The following ZNF341 variants were observed in gnomAD, a reference collection of about 807,000 sequenced individuals.
The protein encoded by ZNF341 is zinc finger protein 341.
Under a neutral mutation model 87.7 loss-of-function variants are expected in ZNF341, and 52 were observed. The ratio of observed to expected loss-of-function variants is 0.59; its 90% CI spans 0.47 to 0.75. The LOEUF is 0.75. Ranked by LOEUF, ZNF341 falls within the 30% of genes least tolerant of loss-of-function variation. The probability of loss-of-function intolerance (pLI) is 0.00; values close to 1 mark genes in which losing one functional copy is unlikely to be tolerated. For missense variants in ZNF341, 977 were observed against 1,145.9 expected (o/e 0.85, Z 2.13); for synonymous variants, 459 against 472.7 (o/e 0.97, Z 0.38).
At chr20:33,768,586 C>A (rs568344562) in intron 9 of ZNF341, among the ~76,000 whole-genome samples, 10 of 151,884 alleles carry the variant, frequency 6.6e-5, no homozygotes, top group African/African-American at 2.2e-4. Context: ...CTACACCTGG[C>A]TAATTTTTGT....
chr20:33,748,029 C>A (rs1223482482), intron 3 of ZNF341, among the ~76,000 whole-genome samples: 2 of 151,652 alleles, frequency 1.3e-5, no homozygotes, highest in African/African-American at 4.8e-5. Context: ...TTGTGGACTT[C>A]ATGTGGACAT....
intron 10 of ZNF341, among the ~76,000 whole-genome samples, chr20:33,780,834 T>C (rs1306251285): frequency 6.6e-6 from 1 of 152,062 alleles, no homozygotes; most frequent in Non-Finnish European, 1.5e-5. Context: ...CCTCCTGCCT[T>C]AGCCTCTTGA....
In ZNF341 at chr20:33,790,882, C is replaced by A. The variant is rs2019998582; in HGVS notation, c.2036-106C>A. 7 of 1,338,152 alleles carry A rather than the reference C, an allele frequency of 5.2e-6. No homozygotes were observed. The South Asian group carries it at 8.6e-5, about 16-fold the overall frequency. The allele number at this position is 1,338,152 out of a possible 1,614,324, so 82.9% of individuals were successfully genotyped here. A position where few individuals can be genotyped will look rare whatever the true frequency, so the allele number is the denominator to read the frequency against. ...AGGGTGGAGAGAGCTGGGGCCAGAT[C>A]ACACAGGTGCTGGTGGGGAAAGAGC... On this transcript the variant is annotated intron_variant, in intron 14 of 14. Coordinates refer to ENST00000375200, the MANE Select transcript of ZNF341 (RefSeq NM_001282933.2).
In ZNF341 at chr20:33,770,666, G is replaced by A. The variant is rs1479492207; in HGVS notation, c.1622+374G>A. On this transcript the variant is annotated intron_variant, in intron 10 of 14. Coordinates refer to ENST00000375200, the MANE Select transcript of ZNF341 (RefSeq NM_001282933.2). The stretch of plus-strand genomic sequence containing the variant: ...ACAAAATTTAGCTTACAGTCAAAGC[G>A]GTACACCGGTTCTTAACAATTAAAA... Among the ~76,000 whole-genome samples, 3 of 152,124 alleles carry A rather than the reference G, an allele frequency of 2.0e-5. No individual in the cohort carries two copies. The East Asian group carries it at 5.8e-4, about 29-fold the overall frequency.
intron 4 of ZNF341, chr20:33,752,265 CAT>C: frequency 5.0e-6 from 3 of 597,396 alleles, no homozygotes; most frequent in South Asian, 4.1e-5. Context: ...TCTTCATCCT[CAT>C]AACATTTTCT....
intron 3 of ZNF341, among the ~76,000 whole-genome samples, chr20:33,747,563 C>T (rs1399500753): frequency 3.8e-4 from 43 of 113,834 alleles, no homozygotes; most frequent in Non-Finnish European, 4.6e-4. Context: ...TGCAGTGAGC[C>T]GAGGTCCCGC....
chr20:33,744,332 G>T (rs982110172), intron 2 of ZNF341, among the ~76,000 whole-genome samples: 11 of 151,620 alleles, frequency 7.3e-5, no homozygotes, highest in Admixed American at 1.3e-4. Context: ...AAGAAAAAAA[G>T]ACTTCTTGGA....
chr20:33,755,099 C>T (rs781015016), intron 5 of ZNF341, among the ~76,000 whole-genome samples: 18 of 152,184 alleles, frequency 1.2e-4, no homozygotes, highest in East Asian at 3.9e-4. Flanking sequence ...TGAGCTACCA[C>T]GCCCAACTAA....
At position 33,761,901 on chromosome 20, in the gene ZNF341, C is replaced by T. The variant is rs752743710; in HGVS notation, c.1068C>T (p.Gly356=). Residue 356 remains glycine, a synonymous_variant, in exon 8 of 15, where the codon GGC becomes GGT. Transcript: ENST00000375200. ...AGCCCTTCCAGTGCATTGCATGTGG[C>T]CGTGCCTTTGCCCAGAAGTCTAATG... ...GEKPFQCIAC[G]RAFAQKSNVK... 2 of 1,590,988 alleles carry T rather than the reference C, an allele frequency of 1.3e-6. No homozygotes were observed. The highest frequency in any genetic ancestry group is 8.6e-7 in the Non-Finnish European group (1 of 1,163,280).
At chr20:33,766,490 C>T (rs945726005) in intron 8 of ZNF341, among the ~76,000 whole-genome samples, 2 of 152,040 alleles carry the variant, frequency 1.3e-5, no homozygotes, top group African/African-American at 2.4e-5. Context: ...CCATCGCACC[C>T]GGCCAGATGA....
Position 33,791,265 on chromosome 20 carries a change from G to C in ZNF341, c.2313G>C (p.Leu771=). The C allele has an allele frequency of 6.2e-7, 1 of 1,611,874 alleles. No individual in the cohort carries two copies. The highest frequency in any genetic ancestry group is 8.5e-7 in the Non-Finnish European group (1 of 1,179,576). ...TGCTGACCCCCTTGCCTGACCCGCT[G>C]GGGCTGGAGGAGCTGAAGGACACAG... ...RKVLTPLPDP[L]GLEELKDTGA... is the part of the protein sequence containing the mutation. Residue 771 remains leucine, a synonymous_variant, in exon 15 of 15, where the codon CTG becomes CTC. Transcript: ENST00000375200.
In ZNF341 at chr20:33,791,359, A is replaced by C; in HGVS notation, c.2407A>C (p.Ile803Leu). 6.2e-7 allele frequency: 1 copy of C among 1,612,566 alleles called. No individual in the cohort carries two copies. Among genetic ancestry groups the C allele is most frequent in the African/African-American group, 1.3e-5 (1 of 75,018 alleles). ...PFAEPDAVLSIVVGGAVGAET... is the reference protein window; with the variant it reads ...PFAEPDAVLSLVVGGAVGAET... ...CGCAGAGCCGGACGCGGTGCTGTCC[A>C]TCGTTGTGGGTGGTGCGGTGGGCGC... Residue 803 changes from isoleucine to leucine, a missense_variant, in exon 15 of 15, where the codon ATC becomes CTC. Transcript: ENST00000375200.
chr20:33,732,612 C>T lies in ZNF341; in HGVS notation c.31+560C>T, dbSNP rs1054866205. 1.3e-5 allele frequency among the ~76,000 whole-genome samples: 2 copies of T among 152,232 alleles called. No individual in the cohort carries two copies. The highest frequency in any genetic ancestry group is 2.4e-5 in the African/African-American group (1 of 41,456). On this transcript the variant is annotated intron_variant, in intron 1 of 14. Coordinates refer to ENST00000375200, the MANE Select transcript of ZNF341 (RefSeq NM_001282933.2). The surrounding 1 kb of genome is among the most constrained non-coding windows in gnomAD (Gnocchi z 4.5). ...GGGACCCAAGCCAGCAAACACCTGG[C>T]GCCTGCAGTGCGCACCGTGGCCGGT...
rs894418580 is a variant in ZNF341, at chr20:33,732,330, G to C, written c.31+278G>C. On this transcript the variant is annotated intron_variant, in intron 1 of 14. Coordinates refer to ENST00000375200, the MANE Select transcript of ZNF341 (RefSeq NM_001282933.2). The surrounding 1 kb of genome is among the most constrained non-coding windows in gnomAD (Gnocchi z 4.5). ...CCTGGGCGGCCTTGGGCGGGCGCGG[G>C]AGGGGCTCCCTGCAGGGAACTGCGC... is the stretch of plus-strand genomic sequence containing the variant. Among the ~76,000 whole-genome samples the C allele has an allele frequency of 4.0e-5, 6 of 151,242 alleles. No homozygotes were observed. The highest frequency in any genetic ancestry group is 8.9e-5 in the Non-Finnish European group (6 of 67,690).
intron 12 of ZNF341, among the ~76,000 whole-genome samples, chr20:33,785,906 G>A (rs1286014227): frequency 6.6e-6 from 1 of 151,938 alleles, no homozygotes; most frequent in South Asian, 2.1e-4. Context: ...AAATTCTGTG[G>A]GTCCCCCTCC....
chr20:33,732,560 G>A lies in ZNF341; in HGVS notation c.31+508G>A, dbSNP rs920268559. Reference sequence around the variant, plus strand: ...GACCACAGCAGCAGAGGCGCCACCTGTGTGCACAGCCTGGACTCAGAGCTT... The same window carrying A: ...GACCACAGCAGCAGAGGCGCCACCTATGTGCACAGCCTGGACTCAGAGCTT... On this transcript the variant is annotated intron_variant, in intron 1 of 14. Coordinates refer to ENST00000375200, the MANE Select transcript of ZNF341 (RefSeq NM_001282933.2). The surrounding 1 kb of genome is among the most constrained non-coding windows in gnomAD (Gnocchi z 4.5). Among the ~76,000 whole-genome samples the A allele has an allele frequency of 4.5e-4, 69 of 152,256 alleles. No homozygotes were observed. The highest frequency in any genetic ancestry group is 1.6e-3 in the African/African-American group (67 of 41,472).
intron 5 of ZNF341, among the ~76,000 whole-genome samples, chr20:33,755,429 T>C (rs978615005): frequency 1.3e-5 from 2 of 152,198 alleles, no homozygotes; most frequent in African/African-American, 4.8e-5. Flanking sequence ...CCCAGAGTGC[T>C]GGGATTACAG....
chr20:33,768,844 A>G (rs1475568255), intron 9 of ZNF341, among the ~76,000 whole-genome samples: 1 of 152,212 alleles, frequency 6.6e-6, no homozygotes, highest in Non-Finnish European at 1.5e-5. Flanking sequence ...TTATCAAAGT[A>G]TGATTTTCGA....
At chr20:33,733,148 G>T (rs1307916066) in intron 1 of ZNF341, among the ~76,000 whole-genome samples, 26 of 150,748 alleles carry the variant, frequency 1.7e-4, no homozygotes, top group Non-Finnish European at 3.8e-4. Context: ...CCAGGTTTGA[G>T]CGATTCTCGT....
Sources: gnomAD v4.1 joint callset for allele counts (sites outside exome capture counted in the v4.1 genomes callset) on GRCh38, gnomAD v4.1.1 for gene constraint, Gnocchi (gnomAD v3.1) non-coding constraint, MANE v1.5 for transcripts, NCBI Gene and HGNC (gene_info 2026-07-23, HGNC 2026-07-21) for gene names.